Variants in GNB5 observed in about 807,000 individuals in gnomAD.
The protein encoded by GNB5 is guanine nucleotide-binding protein subunit beta-5.
GNB5 carries 37 observed loss-of-function variants against 55.3 expected under a neutral mutation model. The ratio of observed to expected loss-of-function variants is 0.67; its 90% CI spans 0.51 to 0.88. The LOEUF is 0.88. GNB5 is among the 40% of genes least tolerant of loss of function. GNB5 has a pLI of 0.00. For synonymous variants in GNB5, 219 were observed against 198.5 expected, an observed-to-expected ratio of 1.10 and a Z score of -0.87; for missense variants, 476 against 515.3, an observed-to-expected ratio of 0.92 and a Z score of 0.74.
intron 1 of GNB5, among the ~76,000 whole-genome samples, chr15:52,186,721 A>G (rs2034851603): frequency 6.6e-6 from 1 of 152,194 alleles, no homozygotes; most frequent in Admixed American, 6.5e-5. Context: ...AACAGAGTCA[A>G]ATCTGAGAGG....
chr15:52,130,857 G>C (rs543611525), intron 9 of GNB5, among the ~76,000 whole-genome samples: 1 of 152,156 alleles, frequency 6.6e-6, no homozygotes, highest in South Asian at 2.1e-4. Flanking sequence ...AAGGGGTCTC[G>C]CTCTACTGCC....
At chr15:52,134,376 A>T (rs997655271) in intron 8 of GNB5, among the ~76,000 whole-genome samples, 8 of 152,210 alleles carry the variant, frequency 5.3e-5, no homozygotes, top group Admixed American at 5.2e-4. Context: ...ATGAAGCACC[A>T]TCACACATCT....
At chr15:52,190,795 AAAAAAAAAAAAAAAAAAAAAAAAC>A (rs2034913215) in intron 1 of GNB5, among the ~76,000 whole-genome samples, 1 of 4,388 alleles carries the variant, frequency 2.3e-4, no homozygotes, top group East Asian at 0.25. Context: ...AAAAAAAAAA[AAAAAAAAAAAAAAAAAAAAAAAAC>A]ATAAATGTCA....
intron 7 of GNB5, chr15:52,137,641 A>C (rs1480638513): frequency 8.7e-7 from 1 of 1,145,684 alleles, no homozygotes; most frequent in African/African-American, 1.6e-5. Flanking sequence ...ACAGGGCTGG[A>C]ATTTTACTTT....
At chr15:52,130,816 A>G (rs1461954222) in intron 9 of GNB5, among the ~76,000 whole-genome samples, 1 of 152,152 alleles carries the variant, frequency 6.6e-6, no homozygotes, top group Admixed American at 6.6e-5. Context: ...CTCAGGTGAG[A>G]GAGTGTGCAT....
chr15:52,173,593 C>T (rs2034592983), intron 3 of GNB5, among the ~76,000 whole-genome samples: 1 of 152,206 alleles, frequency 6.6e-6, no homozygotes, highest in African/African-American at 2.4e-5. Context: ...TAGACTGATC[C>T]AAGGTGAAGT....
intron 3 of GNB5, among the ~76,000 whole-genome samples, chr15:52,174,252 C>T (rs2034606708): frequency 6.6e-6 from 1 of 152,156 alleles, no homozygotes; most frequent in South Asian, 2.1e-4. Flanking sequence ...TATAGACCTC[C>T]AGCACTATAA....
chr15:52,184,488 T>C (rs781308398), intron 2 of GNB5, 63 bp downstream of exon 2: 16 of 1,448,828 alleles, frequency 1.1e-5, no homozygotes, highest in East Asian at 2.3e-5. Context: ...ATCTCATCTG[T>C]CACAGGACCC....
rs2141174803 is a variant in GNB5 at position 52,118,669 on chromosome 15, G to A, written c.*4088C>T. 6.6e-6 allele frequency: 1 copy of A among 152,190 alleles called. No homozygotes were observed. The highest frequency in any genetic ancestry group is 1.9e-4 in the East Asian group (1 of 5,172). 9.4% of individuals were successfully genotyped at this position (152,190 alleles called of 1,614,324 possible). ...GGATCACCTGAGGTTGGGAGTTCGA[G>A]ACCAGTGTGACCAACATGGAGAAAC... On this transcript the variant is annotated 3_prime_UTR_variant, in exon 13 of 13. Coordinates refer to ENST00000261837, the MANE Select transcript of GNB5 (RefSeq NM_016194.4).
At position 52,149,790 on chromosome 15, in the gene GNB5, G is replaced by A. The variant is rs554622127; in HGVS notation, c.417+94C>T. The A allele has an allele frequency of 4.5e-6, 4 of 896,690 alleles. No individual in the cohort carries two copies. The South Asian group carries it at 5.5e-5, about 12-fold the overall frequency. The allele number at this position is 896,690 out of a possible 1,614,324, so 55.5% of individuals were successfully genotyped here. A position where few individuals can be genotyped will look rare whatever the true frequency, so the allele number is the denominator to read the frequency against. On this transcript the variant is annotated intron_variant, in intron 5 of 12. Transcript: ENST00000261837. ...AACTGCTTGCAGGGATACATGGAGA[G>A]AAATCAGGACAGGGCCGGGCAGCTG...
rs929322137 is a variant in GNB5, at chr15:52,121,949, A to G, written c.*808T>C. On this transcript the variant is annotated 3_prime_UTR_variant, in exon 13 of 13. Transcript: ENST00000261837. Reference sequence around the variant, plus strand: ...TAACCTAAGTGTTTCCACTAATTCTACTAATAGGTTTTTAAATAAGTTTAC... The same window carrying G: ...TAACCTAAGTGTTTCCACTAATTCTGCTAATAGGTTTTTAAATAAGTTTAC... 1 of 152,174 alleles carries G rather than the reference A, an allele frequency of 6.6e-6. No homozygotes were observed. Among genetic ancestry groups the G allele is most frequent in the East Asian group, 1.9e-4 (1 of 5,202 alleles). The allele number at this position is 152,174 out of a possible 1,614,324, so 9.4% of individuals were successfully genotyped here. A position where few individuals can be genotyped will look rare whatever the true frequency, so the allele number is the denominator to read the frequency against.
chr15:52,141,922 T>C (rs1223000466), intron 6 of GNB5, among the ~76,000 whole-genome samples: 2 of 152,210 alleles, frequency 1.3e-5, no homozygotes, highest in East Asian at 3.8e-4. Flanking sequence ...GCTCACATAT[T>C]GCATTCATTT....
In GNB5 at chr15:52,141,223, C is replaced by G; in HGVS notation, c.544G>C (p.Glu182Gln). 1 of 1,613,952 alleles carries G rather than the reference C, an allele frequency of 6.2e-7. No homozygotes were observed. The highest frequency in any genetic ancestry group is 8.5e-7 in the Non-Finnish European group (1 of 1,179,846). The change falls in exon 7 of 13, where the codon GAA (glutamate) becomes CAA (glutamine). Residue 182 changes from glutamate (E) to glutamine (Q), a missense_variant. By Grantham distance (29) the Glu-to-Gln change is conservative. Transcript: ENST00000261837. Reference protein sequence around the residue: ...SVYPLTFDKNENMAAKKKSVA... With the variant: ...SVYPLTFDKNQNMAAKKKSVA... ...GACTTCTTTTTGGCAGCCATGTTTT[C>G]ATTTTTGTCAAACGTCAAGGGGTAC...
At chr15:52,179,912 G>A (rs753318208) in intron 2 of GNB5, 33 bp from the exon 3 acceptor site, 3 of 1,492,728 alleles carry the variant, frequency 2.0e-6, no homozygotes, top group South Asian at 2.5e-5. Flanking sequence ...GAGGGAAGCG[G>A]AGAGCGGGAA....
chr15:52,172,700 AGGC>A (rs1188130190), intron 3 of GNB5, among the ~76,000 whole-genome samples: 2 of 152,098 alleles, frequency 1.3e-5, no homozygotes, highest in Non-Finnish European at 2.9e-5. Flanking sequence ...CAGGAGTTTG[AGGC>A]GGCAGTGAAC....
At chr15:52,138,445 G>A (rs1314670785) in intron 7 of GNB5, 1 of 151,380 alleles carries the variant, frequency 6.6e-6, no homozygotes, top group African/African-American at 2.5e-5. Flanking sequence ...CAAATTACAA[G>A]GAGGGGAATC....
At position 52,140,002 on chromosome 15, in the gene GNB5, A is replaced by G. The variant is rs563777517; in HGVS notation, c.627+1138T>C. 1.1e-5 allele frequency: 13 copies of G among 1,211,840 alleles called. No individual in the cohort carries two copies. In the Admixed American group the frequency reaches 3.7e-4, roughly 35 times the overall value. 75.1% of individuals were successfully genotyped at this position (1,211,840 alleles called of 1,614,324 possible). ...AAAGACATCTCATTTTGGCCACTGC[A>G]CCAGTCAGTGGCCACAGCGCCCCCT... On this transcript the variant is annotated intron_variant, in intron 7 of 12. Coordinates refer to ENST00000261837, the MANE Select transcript of GNB5 (RefSeq NM_016194.4).
rs141432181 is a variant in GNB5 at position 52,173,016 on chromosome 15, T to C, written c.238+6752A>G. 7.7e-4 allele frequency among the ~76,000 whole-genome samples: 117 copies of C among 152,344 alleles called. 1 individual carries two copies. Among genetic ancestry groups the C allele is most frequent in the African/African-American group, 2.6e-3 (107 of 41,572 alleles). On this transcript the variant is annotated intron_variant, in intron 3 of 12. Transcript: ENST00000261837. ...TCTTTCTTTTCAATGCCAATCTTTT[T>C]TTTTCATTTGATAAATATTTACTTA...
At chr15:52,144,018 G>C (rs1214835686) in intron 6 of GNB5, 1 of 152,256 alleles carries the variant, frequency 6.6e-6, no homozygotes, top group Non-Finnish European at 1.5e-5. Flanking sequence ...CAGGAAAGGT[G>C]CTAGCACCTC....
Sources: allele counts gnomAD v4.1 joint callset (sites outside exome capture counted in the v4.1 genomes callset), GRCh38; gene constraint gnomAD v4.1.1; transcripts MANE v1.5; gene names NCBI Gene and HGNC (gene_info 2026-07-23, HGNC 2026-07-21).